PPL: variants seen among roughly 807,000 people sequenced by gnomAD.
PPL encodes the protein 190 kDa paraneoplastic pemphigus antigen.
A neutral mutation model predicts 194.4 loss-of-function variants in PPL; 198 were observed. The ratio of observed to expected loss-of-function variants is 1.02; its 90% CI spans 0.91 to 1.15. PPL has a LOEUF of 1.15. Among genes scored for constraint, PPL ranks in the 50% most tolerant of loss-of-function variants. The pLI is 0.00. For synonymous variants in PPL, 1,220 were observed against 972.4 expected, an observed-to-expected ratio of 1.25 and a Z score of -4.74; for missense variants, 2,885 against 2,294.8, an observed-to-expected ratio of 1.26 and a Z score of -5.25.
intron 1 of PPL, among the ~76,000 whole-genome samples, chr16:4,935,195 C>T (rs2089280789): frequency 6.6e-6 from 1 of 152,228 alleles, no homozygotes; most frequent in Non-Finnish European, 1.5e-5. Flanking sequence ...TGCCTTTCAT[C>T]CTCATGCTTC....
intron 14 of PPL, 90 bp downstream of exon 14, chr16:4,893,123 G>C (rs1235838179): frequency 7.2e-7 from 1 of 1,395,366 alleles, no homozygotes; most frequent in African/African-American, 1.5e-5. Context: ...AATATCCCAA[G>C]ACTCCATGGG....
rs536448123 is a variant in PPL, at chr16:4,899,017, A to G, written c.872T>C (p.Ile291Thr). 7.9e-5 allele frequency: 127 copies of G among 1,613,238 alleles called. No homozygotes were observed. The highest frequency in any genetic ancestry group is 1.5e-4 in the African/African-American group (11 of 74,888). ...LAAEHPGRNS[I>T]EAHMEAVHAD... is the part of the protein sequence containing the mutation. ...CTGGTCTCGGGGTGCATGAACCTCAATGGAGTTCCTCCCGGGGTGCTCGGC... is the reference window on the plus strand; with the variant it reads ...CTGGTCTCGGGGTGCATGAACCTCAGTGGAGTTCCTCCCGGGGTGCTCGGC... The change falls in exon 8 of 22, where the codon ATT becomes ACT. Residue 291 changes from isoleucine (I) to threonine (T), a missense_variant. Ile to Thr is a moderately conservative substitution (Grantham distance 89). Coordinates refer to ENST00000345988, the MANE Select transcript of PPL (RefSeq NM_002705.5).
At chr16:4,926,458 G>A (rs2089155788) in intron 1 of PPL, among the ~76,000 whole-genome samples, 1 of 152,126 alleles carries the variant, frequency 6.6e-6, no homozygotes, top group Non-Finnish European at 1.5e-5. Context: ...GGAGCCCCAA[G>A]CTTATGTAAG....
At position 4,883,918 on chromosome 16, in the gene PPL, G is replaced by A. The variant is rs1268524741; in HGVS notation, c.4737C>T (p.Thr1579=). 2 of 1,613,868 alleles carry A rather than the reference G, an allele frequency of 1.2e-6. No individual in the cohort carries two copies. The highest frequency in any genetic ancestry group is 2.2e-5 in the East Asian group (1 of 44,888). ...TGTTGATTTCCGATTGGAGCCTTCGGGTCTCCAGCTGCAGGTTTTGCCTCT... is the reference window on the plus strand; with the variant it reads ...TGTTGATTTCCGATTGGAGCCTTCGAGTCTCCAGCTGCAGGTTTTGCCTCT... ...QLERQNLQLE[T]RRLQSEINMA... is the part of the protein sequence containing the mutation. The change falls in exon 22 of 22, where the codon ACC becomes ACT. Residue 1579 remains threonine, a synonymous_variant. Coordinates refer to ENST00000345988, the MANE Select transcript of PPL (RefSeq NM_002705.5). This position sits in a 1 kb window ranked among gnomAD's most constrained non-coding sequence, Gnocchi z 4.8.
intron 9 of PPL, 92 bp from the exon 10 acceptor site, chr16:4,895,808 C>A: frequency 1.9e-6 from 3 of 1,568,552 alleles, no homozygotes; most frequent in East Asian, 2.2e-5. Context: ...TCAGGCGGGG[C>A]TGGGCCTCCG....
chr16:4,905,985 A>G (rs1217074193), intron 2 of PPL, among the ~76,000 whole-genome samples: 4 of 152,112 alleles, frequency 2.6e-5, no homozygotes, highest in African/African-American at 9.7e-5. Flanking sequence ...GCATGCACCT[A>G]TAGTCCTAGC....
At position 4,884,564 on chromosome 16, in the gene PPL, A is replaced by G. The variant is rs369409228; in HGVS notation, c.4091T>C (p.Leu1364Pro). ...EVVRYEEEPG[L>P]RAEASAFAES... ...GGCAAAGGCGCTCGCCTCGGCCCGCAGGCCTGGCTCCTCCTCATACCTGAC... is the reference window on the plus strand; with the variant it reads ...GGCAAAGGCGCTCGCCTCGGCCCGCGGGCCTGGCTCCTCCTCATACCTGAC... The change falls in exon 22 of 22, where the codon CTG (leucine) becomes CCG (proline). Residue 1364 changes from leucine to proline, a missense_variant. Physicochemically the swap from Leu to Pro is moderately conservative, Grantham distance 98. Coordinates refer to ENST00000345988, the MANE Select transcript of PPL (RefSeq NM_002705.5). The surrounding 1 kb of genome is among the most constrained non-coding windows in gnomAD (Gnocchi z 5.7). The G allele has an allele frequency of 6.2e-7, 1 of 1,613,854 alleles. No homozygotes were observed. Among genetic ancestry groups the G allele is most frequent in the Non-Finnish European group, 8.5e-7 (1 of 1,179,980 alleles).
chr16:4,891,589 T>A (rs1024434006), intron 16 of PPL: 2 of 533,604 alleles, frequency 3.7e-6, no homozygotes, highest in Non-Finnish European at 6.5e-6. Flanking sequence ...TTGCAGATAT[T>A]TGATCTTAAA....
intron 1 of PPL, among the ~76,000 whole-genome samples, chr16:4,918,748 G>GT (rs1454365219): frequency 6.6e-6 from 1 of 152,158 alleles, no homozygotes; most frequent in Non-Finnish European, 1.5e-5. Flanking sequence ...GCGGTCCTGT[G>GT]TTCCCCCCAC....
chr16:4,936,340 C>G (rs1292984063), intron 1 of PPL, among the ~76,000 whole-genome samples: 2 of 152,154 alleles, frequency 1.3e-5, no homozygotes, highest in Non-Finnish European at 2.9e-5. Context: ...TGCCCCTCGA[C>G]CCGACCCCAC....
In PPL at chr16:4,918,186, G is replaced by A. The variant is rs571381620; in HGVS notation, c.63-7237C>T. 6.6e-5 allele frequency among the ~76,000 whole-genome samples: 10 copies of A among 151,966 alleles called. 1 individual carries two copies. The highest frequency in any genetic ancestry group is 2.4e-4 in the African/African-American group (10 of 41,446). Reference sequence around the variant, plus strand: ...CAGGTACCTGTAATCCCAGCTACTTGGGAGGCTAAGGTGGAAGAATTGCTT... The same window carrying A: ...CAGGTACCTGTAATCCCAGCTACTTAGGAGGCTAAGGTGGAAGAATTGCTT... On this transcript the variant is annotated intron_variant, in intron 1 of 21. Coordinates refer to ENST00000345988, the MANE Select transcript of PPL (RefSeq NM_002705.5).
rs752258880 is a variant in PPL, at chr16:4,936,989, G to C, written c.57C>G (p.Thr19=). ...NKGKYSPTVQ[T]RSISNKELSE... is the part of the protein sequence containing the mutation. Reference sequence around the variant, plus strand: ...AGCTGTGGGCGCCTCCTCACCTCCGGGTCTGCACAGTGGGGCTGTATTTGC... The same window carrying C: ...AGCTGTGGGCGCCTCCTCACCTCCGCGTCTGCACAGTGGGGCTGTATTTGC... The change falls in exon 1 of 22, where the codon ACC becomes ACG. Residue 19 remains threonine, a synonymous_variant. Coordinates refer to ENST00000345988, the MANE Select transcript of PPL (RefSeq NM_002705.5). 2 of 1,583,130 alleles carry C rather than the reference G, an allele frequency of 1.3e-6. No individual in the cohort carries two copies. Among genetic ancestry groups the C allele is most frequent in the East Asian group, 2.5e-5 (1 of 40,534 alleles).
chr16:4,899,836 T>C (rs574854933), intron 6 of PPL, among the ~76,000 whole-genome samples: 1 of 152,296 alleles, frequency 6.6e-6, no homozygotes, highest in South Asian at 2.1e-4. Flanking sequence ...TGTATCATGA[T>C]CGTCTTATAG....
chr16:4,890,544 T>C (rs992237821), intron 17 of PPL, among the ~76,000 whole-genome samples, 184 bp downstream of exon 17: 17 of 152,174 alleles, frequency 1.1e-4, no homozygotes, highest in African/African-American at 3.9e-4. Flanking sequence ...GAGATGCCCA[T>C]TGTGGATTAC....
At chr16:4,889,329 A>G (rs899576125) in intron 18 of PPL, among the ~76,000 whole-genome samples, 2 of 130,262 alleles carry the variant, frequency 1.5e-5, no homozygotes, top group Non-Finnish European at 3.1e-5. Flanking sequence ...ATCTCAGCTC[A>G]CTGCAGCCTT....
intron 19 of PPL, among the ~76,000 whole-genome samples, chr16:4,888,525 G>A (rs1345207205): frequency 1.3e-5 from 2 of 152,010 alleles, no homozygotes; most frequent in African/African-American, 2.4e-5. Context: ...TTTTAACATC[G>A]TACCATAACC....
At position 4,883,271 on chromosome 16, in the gene PPL, T is replaced by A. The variant is rs1244442707; in HGVS notation, c.*113A>T. On this transcript the variant is annotated 3_prime_UTR_variant, in exon 22 of 22. Transcript: ENST00000345988. The surrounding 1 kb of genome is among the most constrained non-coding windows in gnomAD (Gnocchi z 4.8). ...TCTGAGCAGCCTGGCAGCGAGGGTA[T>A]GTATAAAATGCTTGGCCTGCACCAG... The A allele has an allele frequency of 1.4e-6, 2 of 1,422,548 alleles. No individual in the cohort carries two copies. The highest frequency in any genetic ancestry group is 1.9e-6 in the Non-Finnish European group (2 of 1,039,030). The allele number at this position is 1,422,548 out of a possible 1,614,324, so 88.1% of individuals were successfully genotyped here. A position where few individuals can be genotyped will look rare whatever the true frequency, so the allele number is the denominator to read the frequency against.
Position 4,883,435 on chromosome 16 carries a change from G to C in PPL, c.5220C>G (p.Asn1740Lys), listed in dbSNP as rs766963878. Residue 1740 changes from asparagine to lysine, a missense_variant, in exon 22 of 22, where the codon AAC becomes AAG. Physicochemically the swap from Asn to Lys is moderately conservative, Grantham distance 94. Coordinates refer to ENST00000345988, the MANE Select transcript of PPL (RefSeq NM_002705.5). The surrounding 1 kb of genome is among the most constrained non-coding windows in gnomAD (Gnocchi z 4.8). ...LTPAQYDRYV[N>K]KDMSIQELAV... ...CCAGCTCCTGGATGGACATATCCTT[G>C]TTGACATAGCGGTCATACTGAGCAG... The C allele has an allele frequency of 6.2e-7, 1 of 1,614,208 alleles. No homozygotes were observed. The highest frequency in any genetic ancestry group is 1.3e-5 in the African/African-American group (1 of 75,066).
At chr16:4,901,251 C>T (rs2088563215) in intron 4 of PPL, among the ~76,000 whole-genome samples, 162 bp from the exon 5 acceptor site, 1 of 152,210 alleles carries the variant, frequency 6.6e-6, no homozygotes, top group South Asian at 2.1e-4. Flanking sequence ...CCCTGAGGTT[C>T]TGTTTGCTGA....
Sources: gnomAD v4.1 joint callset for allele counts (sites outside exome capture counted in the v4.1 genomes callset) on GRCh38, gnomAD v4.1.1 for gene constraint, Gnocchi (gnomAD v3.1) non-coding constraint, MANE v1.5 for transcripts, NCBI Gene and HGNC (gene_info 2026-07-23, HGNC 2026-07-21) for gene names.